OTOG: variants seen among roughly 807,000 people sequenced by gnomAD.
OTOG encodes the protein otogelin.
Under a neutral mutation model 313.8 loss-of-function variants are expected in OTOG, and 296 were observed. That is an observed-to-expected ratio of 0.94 (90% CI 0.86 to 1.04). The LOEUF (loss-of-function observed/expected upper bound fraction) is 1.04, where lower values mean the gene tolerates loss of function less well. Ranked by LOEUF, OTOG falls within the 50% of genes least tolerant of loss-of-function variation. The probability of loss-of-function intolerance (pLI) is 0.00; values close to 1 mark genes in which losing one functional copy is unlikely to be tolerated. For missense variants in OTOG, 3,948 were observed against 3,840.1 expected, an observed-to-expected ratio of 1.03 and a Z score of -0.74; for synonymous variants, 1,533 against 1,554.9, an observed-to-expected ratio of 0.99 and a Z score of 0.33.
chr11:17,644,884 G>C (rs1375023450), intron 54 of OTOG, among the ~76,000 whole-genome samples: 1 of 152,172 alleles, frequency 6.6e-6, no homozygotes, highest in South Asian at 2.1e-4. Flanking sequence ...GCAACTTTAA[G>C]AAGGGGAATC....
At chr11:17,553,776 T>G (rs1278010641) in intron 6 of OTOG, among the ~76,000 whole-genome samples, 1 of 152,246 alleles carries the variant, frequency 6.6e-6, no homozygotes, top group East Asian at 1.9e-4. Flanking sequence ...TACTCTTTTC[T>G]GGCATAAGGT....
At chr11:17,567,481 C>G (rs1378285336) in intron 15 of OTOG, among the ~76,000 whole-genome samples, 3 of 152,190 alleles carry the variant, frequency 2.0e-5, no homozygotes, top group Non-Finnish European at 4.4e-5. Flanking sequence ...TGGCCTTTAC[C>G]TACCTCTTGA....
intron 15 of OTOG, among the ~76,000 whole-genome samples, chr11:17,567,994 G>A (rs775564543): frequency 2.6e-4 from 39 of 151,952 alleles, no homozygotes; most frequent in African/African-American, 8.2e-4. Context: ...TGCAAGCTCC[G>A]CCTCCCGGGT....
intron 43 of OTOG, 53 bp from the exon 44 acceptor site, chr11:17,634,016 A>G (rs929363925): frequency 8.6e-6 from 13 of 1,512,112 alleles, no homozygotes; most frequent in Admixed American, 2.0e-5. Context: ...TAGCCTGGGA[A>G]GGTCTGGGCT....
In OTOG at chr11:17,613,191, TTTCTTTTC is replaced by T. The variant is rs1161329179; in HGVS notation, c.6439-418_6439-411del. Among the ~76,000 whole-genome samples the T allele has an allele frequency of 9.7e-4, 95 of 98,436 alleles. 1 individual carries two copies. The highest frequency in any genetic ancestry group is 3.7e-3 in the African/African-American group (70 of 19,110). The allele number at this position is 98,436 out of a possible 152,430, so 64.6% of individuals were successfully genotyped here. A position where few individuals can be genotyped will look rare whatever the true frequency, so the allele number is the denominator to read the frequency against. ...TCCCTTTTCTTTCTTTCTTTCTTTC[TTTCTTTTC>T]TTTCTTTCTTTCTTTCTTTCTTTCT... On this transcript the variant is annotated intron_variant, in intron 38 of 55. Transcript: ENST00000399397.
At chr11:17,547,897 A>T (rs549425546) in intron 1 of OTOG, 30 bp from the exon 2 acceptor site, 18 of 450,956 alleles carry the variant, frequency 4.0e-5, no homozygotes, top group African/African-American at 3.6e-4. Context: ...GACAAGCACA[A>T]TTTGAGTGGA....
In OTOG at chr11:17,634,868, G is replaced by T. The variant is rs1211973029; in HGVS notation, c.7505G>T (p.Gly2502Val). 1 of 1,549,402 alleles carries T rather than the reference G, an allele frequency of 6.5e-7. No homozygotes were observed. Among genetic ancestry groups the T allele is most frequent in the South Asian group, 1.2e-5 (1 of 84,006 alleles). ...GTGTGTAACCAGACTCTGTGTGAGG[G>T]TCTCGCCCCCACATGCCGCCCAGGC... ...VCVCNQTLCEGLAPTCRPGHR... is the reference protein window; with the variant it reads ...VCVCNQTLCEVLAPTCRPGHR... The change falls in exon 45 of 56, where the codon GGT (glycine) becomes GTT (valine). Residue 2502 changes from glycine to valine, a missense_variant. Transcript: ENST00000399397.
chr11:17,554,318 G>C lies in OTOG; in HGVS notation c.540+799G>C, dbSNP rs544153141. ...TTTGGGTTGGTTTTCTCTACCAGCTGTGAGCTTCCTAGGCCAGGGGTCATG... is the reference window on the plus strand; with the variant it reads ...TTTGGGTTGGTTTTCTCTACCAGCTCTGAGCTTCCTAGGCCAGGGGTCATG... On this transcript the variant is annotated intron_variant, in intron 6 of 55. Coordinates refer to ENST00000399397, the MANE Select transcript of OTOG (RefSeq NM_001292063.2). Among the ~76,000 whole-genome samples the C allele has an allele frequency of 1.8e-4, 28 of 152,310 alleles. No individual in the cohort carries two copies. In the South Asian group the frequency reaches 3.3e-3, roughly 18 times the overall value.
chr11:17,620,726 G>A (rs975822052), intron 39 of OTOG, among the ~76,000 whole-genome samples: 3 of 151,990 alleles, frequency 2.0e-5, no homozygotes, highest in Non-Finnish European at 4.4e-5. Context: ...CTCTTTTGGG[G>A]ACTTCAATTA....
intron 33 of OTOG, among the ~76,000 whole-genome samples, chr11:17,607,660 C>T (rs948357095): frequency 5.3e-5 from 8 of 152,220 alleles, no homozygotes; most frequent in African/African-American, 9.6e-5. Context: ...GGTGCTCACA[C>T]GACCTGCACT....
rs1458991332 is a variant in OTOG, at chr11:17,613,629, C to T, written c.6456C>T (p.Pro2152=). ...CTCTGCAGGGGCACCTGAACTGGCC[C>T]CCGTTCTGTCTGGTGATGTTGAACA... The part of the protein sequence containing the change: ...KSANLGHLNW[P]PFCLVMLNMT... The change falls in exon 39 of 56, where the codon CCC becomes CCT. Residue 2152 remains proline, a synonymous_variant. Transcript: ENST00000399397. The T allele has an allele frequency of 1.5e-5, 24 of 1,550,640 alleles. No homozygotes were observed. The highest frequency in any genetic ancestry group is 2.1e-5 in the Non-Finnish European group (24 of 1,147,026).
At chr11:17,627,379 T>A (rs747326228) in intron 39 of OTOG, among the ~76,000 whole-genome samples, 2 of 152,206 alleles carry the variant, frequency 1.3e-5, no homozygotes, top group Non-Finnish European at 2.9e-5. Flanking sequence ...GAAATGATCA[T>A]ATGGTTTTTT....
intron 18 of OTOG, 140 bp from the exon 19 acceptor site, chr11:17,572,938 A>T: frequency 1.3e-6 from 1 of 787,922 alleles, no homozygotes; most frequent in Non-Finnish European, 1.9e-6. Flanking sequence ...AGCCAGCTGT[A>T]CACTGAAGTA....
intron 36 of OTOG, 46 bp from the exon 37 acceptor site, chr11:17,612,116 T>G: frequency 6.5e-7 from 1 of 1,545,088 alleles, no homozygotes; most frequent in South Asian, 1.2e-5. Context: ...CAGGGTGGGC[T>G]GTAGCTCCTT....
chr11:17,581,822 C>T (rs7937487), intron 23 of OTOG, among the ~76,000 whole-genome samples: 57,871 of 152,068 alleles, frequency 0.38, 11,632 homozygotes, highest in African/African-American at 0.51. Context: ...TACAAGTCTT[C>T]TGTCAGTCCT....
At chr11:17,642,102 C>T in intron 52 of OTOG, 25 bp from the exon 53 acceptor site, 2 of 1,530,662 alleles carry the variant, frequency 1.3e-6, no homozygotes, top group Non-Finnish European at 1.8e-6. Flanking sequence ...CCACAGCTCC[C>T]ATTACCTACT....
intron 32 of OTOG, among the ~76,000 whole-genome samples, chr11:17,605,192 A>G (rs902328273): frequency 2.6e-5 from 4 of 152,236 alleles, no homozygotes; most frequent in Non-Finnish European, 4.4e-5. Context: ...GGCCCTGGGC[A>G]GGGGAAACTG....
chr11:17,591,530 G>A lies in OTOG; in HGVS notation c.2948G>A (p.Arg983His), dbSNP rs759044507. The A allele has an allele frequency of 1.0e-4, 161 of 1,550,516 alleles. No individual in the cohort carries two copies. The highest frequency in any genetic ancestry group is 4.3e-4 in the Admixed American group (22 of 50,982). ...ACTGCCTATGGGGACCGGCATTACC[G>A]CACGTTTGATGGGCTCCCGTTTGAC... The part of the protein sequence containing the change: ...TCTAYGDRHY[R>H]TFDGLPFDFV... Residue 983 changes from arginine to histidine, a missense_variant, in exon 25 of 56, where the codon CGC (arginine) becomes CAC (histidine). By Grantham distance (29) the Arg-to-His change is conservative. Coordinates refer to ENST00000399397, the MANE Select transcript of OTOG (RefSeq NM_001292063.2).
In OTOG at chr11:17,613,255, CTT is replaced by C. The variant is rs1291847596; in HGVS notation, c.6439-355_6439-354del. 2.2e-3 allele frequency among the ~76,000 whole-genome samples: 277 copies of C among 125,598 alleles called. 2 individuals carry two copies. The highest frequency in any genetic ancestry group is 9.0e-3 in the African/African-American group (261 of 28,924). The allele number at this position is 125,598 out of a possible 152,430, so 82.4% of individuals were successfully genotyped here. A position where few individuals can be genotyped will look rare whatever the true frequency, so the allele number is the denominator to read the frequency against. ...TCTTTCTTTCTTTCTTTCTTTCTTT[CTT>C]TCTTTCTTTCTCTCTCTGTCTGTCT... On this transcript the variant is annotated intron_variant, in intron 38 of 55. Coordinates refer to ENST00000399397, the MANE Select transcript of OTOG (RefSeq NM_001292063.2).
Sources: allele counts gnomAD v4.1 joint callset (sites outside exome capture counted in the v4.1 genomes callset), GRCh38; gene constraint gnomAD v4.1.1; transcripts MANE v1.5; gene names NCBI Gene and HGNC (gene_info 2026-07-23, HGNC 2026-07-21).